The following KAZN variants were observed in gnomAD, a reference collection of about 807,000 sequenced individuals.
KAZN encodes the protein kazrin, periplakin interacting protein.
A neutral mutation model predicts 87.4 loss-of-function variants in KAZN; 40 were observed. The observed-to-expected ratio is 0.46, with a 90% CI of 0.36 to 0.60. The LOEUF (loss-of-function observed/expected upper bound fraction) is 0.60. Among genes scored for constraint, KAZN ranks in the 20% least tolerant of loss-of-function variants. The pLI is 0.00. For missense variants in KAZN, 898 were observed against 1,073.9 expected (o/e 0.84, Z 2.29); for synonymous variants, 466 against 458.3 (o/e 1.02, Z -0.22).
At chr1:14,721,445 T>C (rs145434847) in intron 1 of KAZN, among the ~76,000 whole-genome samples, 1 of 152,372 alleles carries the variant, frequency 6.6e-6, no homozygotes, top group East Asian at 1.9e-4. Context: ...CTTTCCTTTA[T>C]AAATTACTGA....
chr1:14,874,659 C>T (rs894405923), intron 1 of KAZN, among the ~76,000 whole-genome samples: 2 of 152,216 alleles, frequency 1.3e-5, no homozygotes, highest in African/African-American at 4.8e-5. Flanking sequence ...GCTGTCAAAA[C>T]CAATCTCCTT....
intron 2 of KAZN, among the ~76,000 whole-genome samples, chr1:14,255,884 T>G (rs796823955): frequency 2.0e-5 from 3 of 152,200 alleles, no homozygotes; most frequent in South Asian, 4.1e-4. Flanking sequence ...CTCCAAAGTG[T>G]GCACTGCTGT....
chr1:14,249,711 T>C (rs1370455367), intron 2 of KAZN, among the ~76,000 whole-genome samples: 1 of 152,176 alleles, frequency 6.6e-6, no homozygotes, highest in Admixed American at 6.5e-5. Flanking sequence ...ATGAATTCCA[T>C]ACCTATGGCT....
chr1:15,034,691 C>G, intron 2 of KAZN, 58 bp from the exon 3 acceptor site: 1 of 1,599,794 alleles, frequency 6.3e-7, no homozygotes, highest in Non-Finnish European at 8.5e-7. Context: ...TCTCAGCACT[C>G]AGGCATCTGG....
At chr1:15,032,124 C>G (rs866632575) in intron 2 of KAZN, among the ~76,000 whole-genome samples, 2 of 151,694 alleles carry the variant, frequency 1.3e-5, no homozygotes, top group Non-Finnish European at 2.9e-5. Flanking sequence ...ACACCCAGCC[C>G]GAGGCAGACG....
At chr1:13,893,444 T>G (rs1638914520) in exon 1 of KAZN, 1 of 666,320 alleles carries the variant, frequency 1.5e-6, no homozygotes. Context: ...TGCCAAGGCT[T>G]ATAGGGTTTC....
At chr1:14,841,405 CAAAAAAAAAAAAAAAAAAAAAAAA>C (rs57248871) in intron 1 of KAZN, among the ~76,000 whole-genome samples, 1 of 88,870 alleles carries the variant, frequency 1.1e-5, no homozygotes. Flanking sequence ...GACTCCGTCT[CAAAAAAAAAAAAAAAAAAAAAAAA>C]AAAAAAAAAA....
At chr1:15,005,308 G>A (rs1557707631) in intron 2 of KAZN, among the ~76,000 whole-genome samples, 2 of 152,056 alleles carry the variant, frequency 1.3e-5, no homozygotes, top group Non-Finnish European at 2.9e-5. Flanking sequence ...TACAGACCAC[G>A]TGCCAGTGTT....
chr1:14,417,213 A>G (rs80100875), intron 2 of KAZN, among the ~76,000 whole-genome samples: 1 of 151,998 alleles, frequency 6.6e-6, no homozygotes, highest in Non-Finnish European at 1.5e-5. Context: ...ACAAAGAAAA[A>G]CAATAATCCT....
Position 15,056,099 on chromosome 1 carries a change from G to A in KAZN, c.735G>A (p.Gln245=), listed in dbSNP as rs1474348331. 1.9e-6 allele frequency: 3 copies of A among 1,610,062 alleles called. No homozygotes were observed. The highest frequency in any genetic ancestry group is 2.5e-6 in the Non-Finnish European group (3 of 1,176,824). The stretch of plus-strand genomic sequence containing the variant: ...CTTCTTGCTCTCTCCAGGCCAAACA[G>A]TCCTTAGCTACGCTGACCAAGGACG... ...ELEAELAMAK[Q]SLATLTKDVP... The change falls in exon 5 of 15, where the codon CAG becomes CAA. Residue 245 remains glutamine, a synonymous_variant. Coordinates refer to ENST00000376030, the MANE Select transcript of KAZN (RefSeq NM_201628.3). The surrounding 1 kb of genome is among the most constrained non-coding windows in gnomAD (Gnocchi z 5.4).
chr1:14,605,651 A>G (rs2148609407), intron 1 of KAZN, among the ~76,000 whole-genome samples: 1 of 152,288 alleles, frequency 6.6e-6, no homozygotes, highest in East Asian at 1.9e-4. Flanking sequence ...ATCATCATAA[A>G]GGCCTTCATC....
intron 2 of KAZN, among the ~76,000 whole-genome samples, chr1:14,512,095 CA>C (rs1181711618): frequency 6.6e-6 from 1 of 152,108 alleles, no homozygotes; most frequent in Non-Finnish European, 1.5e-5. Context: ...GCTTTCTTCT[CA>C]GATGCTACGA....
chr1:14,979,915 G>A (rs2101889492), intron 2 of KAZN, among the ~76,000 whole-genome samples: 1 of 152,270 alleles, frequency 6.6e-6, no homozygotes, highest in Middle Eastern at 3.4e-3. Flanking sequence ...TTGAGACAGA[G>A]TCTCGCTCTG....
Position 15,094,068 on chromosome 1 carries a change from A to G in KAZN, c.1223-112A>G. ...AAGCCACTTTGATTTTGAAGAGAAT[A>G]CATGGAGGGGAGGATGTCCCCACCA... On this transcript the variant is annotated intron_variant, in intron 8 of 14. Coordinates refer to ENST00000376030, the MANE Select transcript of KAZN (RefSeq NM_201628.3). The surrounding 1 kb of genome is among the most constrained non-coding windows in gnomAD (Gnocchi z 4.5). 1 of 856,610 alleles carries G rather than the reference A, an allele frequency of 1.2e-6. No homozygotes were observed. Among genetic ancestry groups the G allele is most frequent in the Non-Finnish European group, 1.8e-6 (1 of 553,516 alleles). 53.1% of individuals were successfully genotyped at this position (856,610 alleles called of 1,614,324 possible). A position where few individuals can be genotyped will look rare whatever the true frequency, so the allele number is the denominator to read the frequency against.
chr1:14,760,802 A>G (rs1446092976), intron 1 of KAZN, among the ~76,000 whole-genome samples: 1 of 152,152 alleles, frequency 6.6e-6, no homozygotes, highest in Non-Finnish European at 1.5e-5. Context: ...AATAAAATAA[A>G]ACCCAAACTT....
chr1:14,093,403 T>A (rs142462517), intron 1 of KAZN, among the ~76,000 whole-genome samples: 1 of 152,346 alleles, frequency 6.6e-6, no homozygotes, highest in Admixed American at 6.5e-5. Flanking sequence ...TCTTTAAGGA[T>A]AGAGACTAGG....
At position 14,801,666 on chromosome 1, in the gene KAZN, G is replaced by GT. The variant is rs572209306; in HGVS notation, c.227-159010dup. On this transcript the variant is annotated intron_variant, in intron 1 of 14. Coordinates refer to ENST00000376030, the MANE Select transcript of KAZN (RefSeq NM_201628.3). The stretch of plus-strand genomic sequence containing the variant: ...CTTGGGCTGCAAGGTCTCTCCTAAA[G>GT]TTTTTTTTGTTTTTTTTGTTTTTTT... 6.2e-4 allele frequency among the ~76,000 whole-genome samples: 91 copies of GT among 147,588 alleles called. No individual in the cohort carries two copies. The East Asian group carries it at 0.013, about 22-fold the overall frequency.
chr1:14,191,818 G>A (rs773936787), intron 2 of KAZN, among the ~76,000 whole-genome samples: 2 of 152,102 alleles, frequency 1.3e-5, no homozygotes, highest in African/African-American at 2.4e-5. Flanking sequence ...CACAGCAGCT[G>A]CCTCACACAG....
chr1:14,772,705 T>C (rs186989884), intron 1 of KAZN, among the ~76,000 whole-genome samples: 1 of 152,182 alleles, frequency 6.6e-6, no homozygotes, highest in African/African-American at 2.4e-5. Flanking sequence ...TGAAAAGCCT[T>C]TGCTGCATTT....
Sources: allele counts gnomAD v4.1 joint callset (sites outside exome capture counted in the v4.1 genomes callset), GRCh38; gene constraint gnomAD v4.1.1; non-coding constraint Gnocchi (gnomAD v3.1); transcripts MANE v1.5; gene names NCBI Gene and HGNC (gene_info 2026-07-23, HGNC 2026-07-21).